The following BLOC1S3 variants were observed in gnomAD, a reference collection of about 807,000 sequenced individuals.
BLOC1S3 encodes biogenesis of lysosomal organelles complex 1 subunit 3, also known as biogenesis of lysosome-related organelles complex 1 subunit 3.
Under a neutral mutation model 9.1 loss-of-function variants are expected in BLOC1S3, and 7 were observed. The ratio of observed to expected loss-of-function variants is 0.77; its 90% CI spans 0.44 to 1.45. The LOEUF (loss-of-function observed/expected upper bound fraction) is 1.45. Ranked by LOEUF, BLOC1S3 falls within the 40% of genes most tolerant of loss-of-function variation. The pLI is 0.01. For synonymous variants in BLOC1S3, 145 were observed against 158.4 expected, an observed-to-expected ratio of 0.92 and a Z score of 0.64; for missense variants, 307 against 315.2, an observed-to-expected ratio of 0.97 and a Z score of 0.20.
rs540377803 is a variant in BLOC1S3, at chr19:45,208,163, C to G, written n.282+5656C>G. ...CTAAGTTTTGTATTTTTAGTAGAGA[C>G]GGGTTTTGCCATGTTGGCCAAGCTG... On this transcript the variant is annotated intron_variant and non_coding_transcript_variant, in intron 3 of 3. Coordinates refer to the BLOC1S3 transcript ENST00000591569. 2.2e-4 allele frequency among the ~76,000 whole-genome samples: 33 copies of G among 149,684 alleles called. No individual in the cohort carries two copies. The East Asian group carries it at 6.6e-3, about 30-fold the overall frequency.
intron 2 of BLOC1S3, among the ~76,000 whole-genome samples, chr19:45,190,726 T>C (rs1431941498): frequency 6.6e-6 from 1 of 151,508 alleles, no homozygotes; most frequent in Non-Finnish European, 1.5e-5. Flanking sequence ...CAATTATCTG[T>C]CTGAAAGGTC....
In BLOC1S3 at chr19:45,179,615, T is replaced by C; in HGVS notation, c.319T>C (p.Ser107Pro). 6.8e-7 allele frequency: 1 copy of C among 1,473,656 alleles called. No homozygotes were observed. Among genetic ancestry groups the C allele is most frequent in the Non-Finnish European group, 8.9e-7 (1 of 1,119,162 alleles). The allele number at this position is 1,473,656 out of a possible 1,614,324, so 91.3% of individuals were successfully genotyped here. The part of the protein sequence containing the change: ...EEAPAPAPAR[S>P]LLQLRLAESQ... Reference sequence around the variant, plus strand: ...GGCCCCGGCGCCCGCCCCCGCGCGCTCGCTCCTGCAACTTCGGCTGGCGGA... The same window carrying C: ...GGCCCCGGCGCCCGCCCCCGCGCGCCCGCTCCTGCAACTTCGGCTGGCGGA... Residue 107 changes from serine (S) to proline (P), a missense_variant, in exon 2 of 2, where the codon TCG becomes CCG. Coordinates refer to ENST00000433642, the MANE Select transcript of BLOC1S3 (RefSeq NM_212550.5). The surrounding 1 kb of genome is among the most constrained non-coding windows in gnomAD (Gnocchi z 4.6).
chr19:45,213,790 C>T (rs1191091082), intron 3 of BLOC1S3, among the ~76,000 whole-genome samples: 1 of 147,560 alleles, frequency 6.8e-6, no homozygotes, highest in Admixed American at 6.7e-5. Context: ...ACTAAAAATA[C>T]ATTAAAAAAA....
At chr19:45,212,955 C>T in intron 3 of BLOC1S3, 3 of 1,229,862 alleles carry the variant, frequency 2.4e-6, no homozygotes, top group Non-Finnish European at 3.2e-6. Context: ...ATCTAAGGGT[C>T]TTTCTATCCC....
intron 2 of BLOC1S3, among the ~76,000 whole-genome samples, chr19:45,195,209 A>G (rs1368306764): frequency 1.3e-5 from 2 of 151,616 alleles, no homozygotes; most frequent in African/African-American, 2.4e-5. Flanking sequence ...GCGCCTGGCC[A>G]ATTTTTTATT....
At chr19:45,192,663 T>A (rs1365986029) in intron 2 of BLOC1S3, among the ~76,000 whole-genome samples, 1 of 152,168 alleles carries the variant, frequency 6.6e-6, no homozygotes, top group African/African-American at 2.4e-5. Flanking sequence ...GGCTATTTCC[T>A]TCAAGGCAGC....
chr19:45,188,903 C>T (rs900699018), intron 2 of BLOC1S3, among the ~76,000 whole-genome samples: 2 of 147,758 alleles, frequency 1.4e-5, no homozygotes, highest in Non-Finnish European at 3.0e-5. Context: ...GAGGCAGAGT[C>T]TTGCTCTGTT....
At chr19:45,184,672 T>G (rs10402523), downstream of BLOC1S3, among the ~76,000 whole-genome samples, 65,096 of 151,612 alleles carry the variant, frequency 0.43, 14,227 homozygotes, top group African/African-American at 0.49. Context: ...AGGCCGAGGT[T>G]GGTGGATCAC....
chr19:45,196,664 G>A (rs570097379), intron 2 of BLOC1S3, among the ~76,000 whole-genome samples: 4 of 152,078 alleles, frequency 2.6e-5, no homozygotes, highest in African/African-American at 9.7e-5. Context: ...AGGCCGAGGC[G>A]GGTGGATCAT....
intron 2 of BLOC1S3, among the ~76,000 whole-genome samples, chr19:45,201,109 G>A (rs1054407576): frequency 1.3e-5 from 2 of 151,888 alleles, no homozygotes; most frequent in East Asian, 1.9e-4. Flanking sequence ...AGGCTGAGGC[G>A]GGAGAATCAC....
At chr19:45,186,699 C>T (rs1001534763), downstream of BLOC1S3, among the ~76,000 whole-genome samples, 10 of 152,008 alleles carry the variant, frequency 6.6e-5, no homozygotes, top group South Asian at 4.1e-4. Context: ...AGTGAGACTC[C>T]GTCTCAACAA....
intron 2 of BLOC1S3, among the ~76,000 whole-genome samples, chr19:45,194,596 G>C (rs908064254): frequency 1.9e-4 from 29 of 152,134 alleles, no homozygotes; most frequent in Non-Finnish European, 1.3e-4. Context: ...GACTGGGTAA[G>C]TAAAGCATGC....
At chr19:45,201,813 G>T (rs188880508) in intron 2 of BLOC1S3, among the ~76,000 whole-genome samples, 164 of 152,200 alleles carry the variant, frequency 1.1e-3, no homozygotes, top group African/African-American at 3.7e-3. Context: ...GAGTCATGGG[G>T]GCAGTTTCCC....
At chr19:45,197,686 A>G (rs982867237) in intron 2 of BLOC1S3, among the ~76,000 whole-genome samples, 1 of 151,146 alleles carries the variant, frequency 6.6e-6, no homozygotes, top group Non-Finnish European at 1.5e-5. Context: ...TTAGCCAGGC[A>G]TGATGGTGGG....
intron 2 of BLOC1S3, among the ~76,000 whole-genome samples, chr19:45,189,318 C>T (rs1413859271): frequency 6.6e-6 from 1 of 152,200 alleles, no homozygotes; most frequent in East Asian, 1.9e-4. Context: ...CTGCACCCAG[C>T]CAGAGCGCCA....
At chr19:45,213,536 A>G (rs1254304205) in intron 3 of BLOC1S3, among the ~76,000 whole-genome samples, 1 of 151,956 alleles carries the variant, frequency 6.6e-6, no homozygotes, top group Non-Finnish European at 1.5e-5. Context: ...CCCTCACCTC[A>G]TACCAGCTCC....
At chr19:45,200,610 C>T (rs779898683) in intron 2 of BLOC1S3, among the ~76,000 whole-genome samples, 29 of 152,176 alleles carry the variant, frequency 1.9e-4, no homozygotes, top group African/African-American at 5.6e-4. Context: ...TTGAATTCTC[C>T]GTCTGAAAGG....
downstream of BLOC1S3, among the ~76,000 whole-genome samples, chr19:45,184,277 C>T (rs1969549438): frequency 6.6e-6 from 1 of 152,140 alleles, no homozygotes; most frequent in Non-Finnish European, 1.5e-5. Context: ...AGACCATCCT[C>T]TTTGCAATGT....
At chr19:45,202,981 G>A (rs776382528) in intron 3 of BLOC1S3, among the ~76,000 whole-genome samples, 8 of 152,028 alleles carry the variant, frequency 5.3e-5, no homozygotes, top group East Asian at 1.9e-4. Context: ...TCAGGACTCC[G>A]CCTGGTGCCC....
Sources: gnomAD v4.1 joint callset for allele counts (sites outside exome capture counted in the v4.1 genomes callset) on GRCh38, gnomAD v4.1.1 for gene constraint, Gnocchi (gnomAD v3.1) non-coding constraint, MANE v1.5 for transcripts, NCBI Gene and HGNC (gene_info 2026-07-23, HGNC 2026-07-21) for gene names.